ABL1: variants seen among roughly 807,000 people sequenced by gnomAD.
The protein encoded by ABL1 is tyrosine-protein kinase ABL1.
Under a neutral mutation model 94.7 loss-of-function variants are expected in ABL1, and 11 were observed. The ratio of observed to expected loss-of-function variants is 0.12; its 90% confidence interval spans 0.07 to 0.19. The LOEUF is 0.19. Among genes scored for constraint, ABL1 ranks in the 10% least tolerant of loss-of-function variants. The pLI, the probability that ABL1 is intolerant of heterozygous loss-of-function variation, is 1.00. For missense variants in ABL1, 1,082 were observed against 1,489.4 expected (o/e 0.73, Z 4.50); for synonymous variants, 656 against 622.4 (o/e 1.05, Z -0.80).
At chr9:130,878,345 C>A in intron 7 of ABL1, 70 bp from the exon 8 acceptor site, 4 of 1,569,256 alleles carry the variant, frequency 2.5e-6, no homozygotes, top group Non-Finnish European at 3.5e-6. Flanking sequence ...GCAAAGGTAA[C>A]TGATTTTAAA....
rs143132804 is a variant in ABL1, at chr9:130,885,206, G to A, written c.2916G>A (p.Ser972=). 3.6e-3 allele frequency: 5,832 copies of A among 1,613,554 alleles called. 15 individuals are homozygous for A. The highest frequency in any genetic ancestry group is 0.011 in the African/African-American group (833 of 75,040). ...ATPKPQSAKP[S]GTPISPAPVP... ...CAAAGCCACAGTCCGCCAAGCCGTC[G>A]GGGACCCCCATCAGCCCAGCCCCCG... Residue 972 remains serine, a synonymous_variant, in exon 11 of 11, where the codon TCG becomes TCA. Coordinates refer to ENST00000318560, the MANE Select transcript of ABL1 (RefSeq NM_005157.6).
At chr9:130,851,042 G>T (rs1830850931) in intron 1 of ABL1, among the ~76,000 whole-genome samples, 2 of 151,942 alleles carry the variant, frequency 1.3e-5, no homozygotes, top group Admixed American at 1.3e-4. Context: ...TCCTGCCTCA[G>T]CCTCCCGAGT....
intron 1 of ABL1, among the ~76,000 whole-genome samples, chr9:130,714,929 A>G (rs937796459): frequency 6.6e-6 from 1 of 152,228 alleles, no homozygotes; most frequent in African/African-American, 2.4e-5. Context: ...TGACGCTAAT[A>G]TCCTTGACCT....
chr9:130,850,910 GTTTTTGTTTGTTTGTT>G (rs1290665297), intron 1 of ABL1, among the ~76,000 whole-genome samples: 2 of 151,570 alleles, frequency 1.3e-5, no homozygotes, highest in East Asian at 2.0e-4. Context: ...TTTTTTGTTT[GTTTTTGTTTGTTTGTT>G]TGTTTGTTTG....
intron 1 of ABL1, among the ~76,000 whole-genome samples, chr9:130,772,317 A>T (rs889759392): frequency 6.6e-6 from 1 of 152,254 alleles, no homozygotes; most frequent in Non-Finnish European, 1.5e-5. Flanking sequence ...ATGCTTATCA[A>T]TTCCCTTGCC....
chr9:130,828,461 C>T (rs1340571054), intron 1 of ABL1, among the ~76,000 whole-genome samples: 1 of 152,176 alleles, frequency 6.6e-6, no homozygotes, highest in Non-Finnish European at 1.5e-5. Flanking sequence ...TGGGTTGGTA[C>T]AAAAGTAATT....
intron 1 of ABL1, among the ~76,000 whole-genome samples, chr9:130,754,359 T>C (rs1441406124): frequency 6.8e-6 from 1 of 146,958 alleles, no homozygotes; most frequent in African/African-American, 2.5e-5. Context: ...ATACAAAAAA[T>C]TAGCCAGGCG....
At chr9:130,822,698 C>T (rs1198504828) in intron 1 of ABL1, among the ~76,000 whole-genome samples, 1 of 151,918 alleles carries the variant, frequency 6.6e-6, no homozygotes, top group African/African-American at 2.4e-5. Context: ...TGTATTTCAT[C>T]TTTGGTGACC....
chr9:130,884,695 T>C lies in ABL1; in HGVS notation c.2405T>C (p.Met802Thr), dbSNP rs1831536600. The change falls in exon 11 of 11, where the codon ATG becomes ACG. Residue 802 changes from methionine (M) to threonine (T), a missense_variant. Physicochemically the swap from Met to Thr is moderately conservative, Grantham distance 81 (BLOSUM62 -1). Transcript: ENST00000318560. This position sits in a 1 kb window ranked among gnomAD's most constrained non-coding sequence, Gnocchi z 5.6. ...EAADEVFKDIMESSPGSSPPN... is the reference protein window; with the variant it reads ...EAADEVFKDITESSPGSSPPN... ...GCTGATGAGGTCTTCAAAGACATCA[T>C]GGAGTCCAGCCCGGGCTCCAGCCCG... 3 of 1,612,760 alleles carry C rather than the reference T, an allele frequency of 1.9e-6. No homozygotes were observed. The highest frequency in any genetic ancestry group is 1.1e-5 in the South Asian group (1 of 91,076).
chr9:130,797,263 AAAG>A (rs1588242454), intron 1 of ABL1, among the ~76,000 whole-genome samples: 2 of 132,880 alleles, frequency 1.5e-5, no homozygotes, highest in African/African-American at 2.9e-5. Flanking sequence ...AAAAAAAAAA[AAAG>A]AACTTTGAAT....
At chr9:130,750,669 C>G (rs552351220) in intron 1 of ABL1, among the ~76,000 whole-genome samples, 1 of 77,344 alleles carries the variant, frequency 1.3e-5, no homozygotes, top group African/African-American at 7.6e-5. Flanking sequence ...TTTTTTGAGA[C>G]AGAGTCTCAC....
At chr9:130,815,792 T>C (rs34658696) in intron 1 of ABL1, among the ~76,000 whole-genome samples, 2,377 of 152,090 alleles carry the variant, frequency 0.016, 54 homozygotes, top group African/African-American at 0.055. Context: ...GAGGCCAAGG[T>C]GGGCAGATCA....
At chr9:130,750,192 C>CATATATATATAT (rs56263750) in intron 1 of ABL1, among the ~76,000 whole-genome samples, 5 of 106,440 alleles carry the variant, frequency 4.7e-5, no homozygotes, top group Non-Finnish European at 8.0e-5. Context: ...AAAAAAAATA[C>CATATATATATAT]ATATATATAT....
chr9:130,859,677 CTTTTT>C (rs869234280), intron 3 of ABL1, among the ~76,000 whole-genome samples: 3 of 78,460 alleles, frequency 3.8e-5, no homozygotes, highest in South Asian at 4.1e-4. Flanking sequence ...TCTTTCTTTC[CTTTTT>C]TTTTTTTTTT....
intron 1 of ABL1, among the ~76,000 whole-genome samples, chr9:130,837,178 A>C (rs1288921689): frequency 6.6e-6 from 1 of 152,174 alleles, no homozygotes; most frequent in African/African-American, 2.4e-5. Flanking sequence ...TGGAGGGTGG[A>C]GATTGTTTAT....
rs79966662 is a variant in ABL1 at position 130,862,474 on chromosome 9, G to A, written c.550-289G>A. ...TAAAACTGGCCTTGGAACGGGAAGC[G>A]AGAACTGGGCACGGAAGATGAGGGA... On this transcript the variant is annotated intron_variant, in intron 3 of 10. Coordinates refer to ENST00000318560, the MANE Select transcript of ABL1 (RefSeq NM_005157.6). The surrounding 1 kb of genome is among the most constrained non-coding windows in gnomAD (Gnocchi z 5.5). 1.8e-3 allele frequency among the ~76,000 whole-genome samples: 276 copies of A among 152,306 alleles called. No homozygotes were observed. The highest frequency in any genetic ancestry group is 6.4e-3 in the African/African-American group (265 of 41,566).
chr9:130,778,631 C>G (rs938249270), intron 1 of ABL1, among the ~76,000 whole-genome samples: 6 of 151,860 alleles, frequency 4.0e-5, no homozygotes, highest in African/African-American at 1.5e-4. Flanking sequence ...CTCTGCTCTC[C>G]TTTGCCAAGC....
At chr9:130,791,931 G>A (rs1038601547) in intron 1 of ABL1, among the ~76,000 whole-genome samples, 1 of 152,038 alleles carries the variant, frequency 6.6e-6, no homozygotes, top group Non-Finnish European at 1.5e-5. Flanking sequence ...GGAGAATGCT[G>A]ACTAATACCA....
Position 130,872,092 on chromosome 9 carries a change from C to G in ABL1, c.823-37C>G. 2.5e-6 allele frequency: 4 copies of G among 1,600,146 alleles called. No individual in the cohort carries two copies. The highest frequency in any genetic ancestry group is 1.1e-5 in the South Asian group (1 of 90,402). On this transcript the variant is annotated intron_variant, in intron 4 of 10. Transcript: ENST00000318560. This position sits in a 1 kb window ranked among gnomAD's most constrained non-coding sequence, Gnocchi z 5.0. ...GTACTTACCCACTGAAAAGCACTTC[C>G]TGAAATAATTTCACCTTCGTTTTTT...
Sources: gnomAD v4.1 joint callset for allele counts (sites outside exome capture counted in the v4.1 genomes callset) on GRCh38, gnomAD v4.1.1 for gene constraint, Gnocchi (gnomAD v3.1) non-coding constraint, MANE v1.5 for transcripts, NCBI Gene and HGNC (gene_info 2026-07-23, HGNC 2026-07-21) for gene names.